PDE11A: variants seen among roughly 807,000 people sequenced by gnomAD.
The protein encoded by PDE11A is phosphodiesterase 11A.
A neutral mutation model predicts 100.5 loss-of-function variants in PDE11A; 100 were observed. The observed-to-expected ratio is 1.00, with a 90% CI of 0.85 to 1.18. The LOEUF is 1.18. Among genes scored for constraint, PDE11A ranks in the 50% most tolerant of loss-of-function variants. The probability of loss-of-function intolerance (pLI) is 0.00; values close to 1 mark genes in which losing one functional copy is unlikely to be tolerated. For missense variants in PDE11A, 1,141 were observed against 1,152.6 expected, an observed-to-expected ratio of 0.99 and a Z score of 0.15; for synonymous variants, 381 against 420.8, an observed-to-expected ratio of 0.91 and a Z score of 1.16.
At chr2:177,929,542 A>G (rs2085178657) in intron 2 of PDE11A, among the ~76,000 whole-genome samples, 1 of 152,214 alleles carries the variant, frequency 6.6e-6, no homozygotes, top group African/African-American at 2.4e-5. Context: ...TACAAGGACA[A>G]GACTCTTGTT....
intron 15 of PDE11A, 147 bp downstream of exon 15, chr2:177,697,185 A>G (rs2081125061): frequency 1.5e-6 from 1 of 656,512 alleles, no homozygotes; most frequent in African/African-American, 1.8e-5. Flanking sequence ...CTTCATTTAT[A>G]TCAGAGAGAA....
At chr2:177,708,546 A>C (rs951978819) in intron 13 of PDE11A, among the ~76,000 whole-genome samples, 3 of 152,234 alleles carry the variant, frequency 2.0e-5, no homozygotes, top group African/African-American at 7.2e-5. Context: ...CTGGGTAATG[A>C]AATAATATAT....
In PDE11A at chr2:177,701,134, A is replaced by C. The variant is rs776319665; in HGVS notation, c.2231T>G (p.Ile744Ser). Residue 744 changes from isoleucine (I) to serine (S), a missense_variant, in exon 14 of 20, where the codon ATC (isoleucine) becomes AGC (serine). By Grantham distance (142) the Ile-to-Ser change is moderately radical (BLOSUM62 -2). Coordinates refer to ENST00000286063, the MANE Select transcript of PDE11A (RefSeq NM_016953.4). ...EHHHFNHAVMILQSEGHNIFA... is the reference protein window; with the variant it reads ...EHHHFNHAVMSLQSEGHNIFA... ...TCAGGCCTGTACCTCACTTTGAAGG[A>C]TCATCACGGCGTGGTTGAAATGGTG... The C allele has an allele frequency of 1.3e-6, 2 of 1,593,372 alleles. No individual in the cohort carries two copies. Among genetic ancestry groups the C allele is most frequent in the Admixed American group, 3.3e-5 (2 of 59,956 alleles).
At chr2:177,903,479 G>T (rs966471403) in intron 3 of PDE11A, among the ~76,000 whole-genome samples, 1 of 152,160 alleles carries the variant, frequency 6.6e-6, no homozygotes, top group African/African-American at 2.4e-5. Context: ...TAGGGATTTG[G>T]ATAGACAGCA....
chr2:178,047,389 G>A (rs2086764645), intron 1 of PDE11A, among the ~76,000 whole-genome samples: 1 of 151,850 alleles, frequency 6.6e-6, no homozygotes, highest in African/African-American at 2.4e-5. Flanking sequence ...CTTGAACCCA[G>A]GAGGCGGAGG....
intron 9 of PDE11A, among the ~76,000 whole-genome samples, chr2:177,812,725 C>T (rs1669385173): frequency 6.6e-6 from 1 of 152,018 alleles, no homozygotes; most frequent in African/African-American, 2.4e-5. Context: ...GAAAGAGATG[C>T]CCCTTGACTC....
chr2:178,077,422 C>T (rs974416361), upstream of PDE11A, among the ~76,000 whole-genome samples: 8 of 152,114 alleles, frequency 5.3e-5, no homozygotes, highest in Non-Finnish European at 1.0e-4. Context: ...ATCACTCTCA[C>T]TCCCACCCAC....
At chr2:177,859,982 A>G (rs1558978050) in intron 5 of PDE11A, among the ~76,000 whole-genome samples, 1 of 151,922 alleles carries the variant, frequency 6.6e-6, no homozygotes, top group Non-Finnish European at 1.5e-5. Context: ...ATGTATGGCT[A>G]TAAATGCTTA....
intron 2 of PDE11A, among the ~76,000 whole-genome samples, chr2:177,924,562 T>A (rs945917534): frequency 1.3e-5 from 2 of 152,134 alleles, no homozygotes; most frequent in South Asian, 4.1e-4. Context: ...CTCCTTGATA[T>A]CAGAGTCAAT....
intron 2 of PDE11A, among the ~76,000 whole-genome samples, chr2:178,013,644 A>G (rs964730782): frequency 2.0e-5 from 3 of 152,204 alleles, no homozygotes; most frequent in Non-Finnish European, 4.4e-5. Flanking sequence ...TAAATATTCA[A>G]CCAGATTTTA....
intron 16 of PDE11A, chr2:177,678,059 G>A (rs1049368046): frequency 2.6e-5 from 4 of 152,300 alleles, no homozygotes; most frequent in African/African-American, 9.6e-5. Context: ...ACAAAAATAT[G>A]ACACTTTGCA....
Position 178,016,042 on chromosome 2 carries a change from G to A in PDE11A, c.913-1582C>T, listed in dbSNP as rs553131264. On this transcript the variant is annotated intron_variant, in intron 1 of 19. Coordinates refer to ENST00000286063, the MANE Select transcript of PDE11A (RefSeq NM_016953.4). ...TGCAGTCATTTGATCTCGGTTCACT[G>A]CAACCTCCACCTCCCGGGTTCAAGC... Among the ~76,000 whole-genome samples the A allele has an allele frequency of 4.9e-4, 74 of 150,934 alleles. 1 individual carries two copies. The highest frequency in any genetic ancestry group is 1.5e-3 in the African/African-American group (60 of 41,070).
chr2:177,810,271 T>C lies in PDE11A; in HGVS notation c.1737+6558A>G, dbSNP rs564222231. 6.2e-4 allele frequency among the ~76,000 whole-genome samples: 94 copies of C among 152,342 alleles called. 1 individual carries two copies. The Middle Eastern group carries it at 0.01, about 17-fold the overall frequency. On this transcript the variant is annotated intron_variant, in intron 9 of 19. Transcript: ENST00000286063. ...GATTATTTGTGGTGGGATGCATTCATTTATTCCATATACTTTTATTGAGTA... is the reference window on the plus strand; with the variant it reads ...GATTATTTGTGGTGGGATGCATTCACTTATTCCATATACTTTTATTGAGTA...
chr2:177,930,837 C>T (rs1190458037), intron 2 of PDE11A, among the ~76,000 whole-genome samples: 1 of 152,174 alleles, frequency 6.6e-6, no homozygotes, highest in Admixed American at 6.5e-5. Flanking sequence ...GATCCATGAA[C>T]CAACCGGGAC....
At chr2:177,979,094 A>G in intron 2 of PDE11A, among the ~76,000 whole-genome samples, 1 of 144,598 alleles carries the variant, frequency 6.9e-6, no homozygotes, top group Non-Finnish European at 1.5e-5. Context: ...AAAAAAAAAA[A>G]GAAAGAAAAT....
At chr2:177,646,406 T>TG (rs1183882535) in intron 19 of PDE11A, among the ~76,000 whole-genome samples, 1 of 152,244 alleles carries the variant, frequency 6.6e-6, no homozygotes, top group Non-Finnish European at 1.5e-5. Flanking sequence ...GAGCCATACT[T>TG]GGAGTTCTTC....
At chr2:177,732,535 C>A (rs951552512) in intron 10 of PDE11A, among the ~76,000 whole-genome samples, 4 of 152,312 alleles carry the variant, frequency 2.6e-5, no homozygotes, top group South Asian at 2.1e-4. Context: ...CTACTCCACT[C>A]CAGGTGGCCC....
chr2:177,998,023 G>A (rs2086098816), intron 2 of PDE11A: 1 of 1,250,402 alleles, frequency 8.0e-7, no homozygotes, highest in Non-Finnish European at 1.2e-6. Flanking sequence ...GACAGTTTTA[G>A]AGAAGAAGGG....
chr2:177,965,668 G>A (rs1008210083), intron 2 of PDE11A, among the ~76,000 whole-genome samples: 2 of 152,124 alleles, frequency 1.3e-5, no homozygotes, highest in Admixed American at 1.3e-4. Flanking sequence ...TCAGATAGTT[G>A]TAGGTGTGTG....
Sources: allele counts gnomAD v4.1 joint callset (sites outside exome capture counted in the v4.1 genomes callset), GRCh38; gene constraint gnomAD v4.1.1; transcripts MANE v1.5; gene names NCBI Gene and HGNC (gene_info 2026-07-23, HGNC 2026-07-21).